ICA1: variants seen among roughly 807,000 people sequenced by gnomAD.
The protein encoded by ICA1 is 69 kDa islet cell autoantigen.
A neutral mutation model predicts 71.0 loss-of-function variants in ICA1; 40 were observed. The observed-to-expected ratio is 0.56, with a 90% confidence interval of 0.44 to 0.73. ICA1 has a LOEUF of 0.73. ICA1 is among the 30% of genes least tolerant of loss of function. The probability of loss-of-function intolerance (pLI) is 0.00; values close to 1 mark genes in which losing one functional copy is unlikely to be tolerated. For missense variants in ICA1, 578 were observed against 576.5 expected, an observed-to-expected ratio of 1.00 and a Z score of -0.03; for synonymous variants, 207 against 209.5, an observed-to-expected ratio of 0.99 and a Z score of 0.10.
rs776380778 is a variant in ICA1 at position 8,128,033 on chromosome 7, G to T, written c.1170C>A (p.Phe390Leu). ...FNASSLEEGE[F>L]SKEWAAVFGD... ...CAAACACAGCGGCCCACTCTTTGCT[G>T]AACTCGCCCTCTTCCAAGGAGGAAG... Residue 390 changes from phenylalanine (F) to leucine (L), a missense_variant, in exon 13 of 14, where the codon TTC (phenylalanine) becomes TTA (leucine). Transcript: ENST00000402384. 17 of 1,614,102 alleles carry T rather than the reference G, an allele frequency of 1.1e-5. No homozygotes were observed. Among genetic ancestry groups the T allele is most frequent in the African/African-American group, 2.7e-5 (2 of 74,934 alleles).
At chr7:8,194,505 A>T (rs1277211050) in intron 6 of ICA1, among the ~76,000 whole-genome samples, 4 of 152,192 alleles carry the variant, frequency 2.6e-5, no homozygotes, top group Non-Finnish European at 5.9e-5. Context: ...AGCTTAATTA[A>T]TTTTACCAAA....
At chr7:8,245,198 G>A (rs1391125410) in intron 1 of ICA1, among the ~76,000 whole-genome samples, 2 of 151,996 alleles carry the variant, frequency 1.3e-5, no homozygotes, top group Non-Finnish European at 2.9e-5. Flanking sequence ...AAGAAAATGC[G>A]GCACATATAC....
rs189148783 is a variant in ICA1, at chr7:8,234,884, G to C, written c.17+1026C>G. On this transcript the variant is annotated intron_variant, in intron 2 of 13. Transcript: ENST00000402384. This position sits in a 1 kb window ranked among gnomAD's most constrained non-coding sequence, Gnocchi z 4.5. Reference sequence around the variant, plus strand: ...AGTGGGCCATAGAATGGATTTCTTTGGCCGGGCGCGGTGGCTCATGCCTGT... The same window carrying C: ...AGTGGGCCATAGAATGGATTTCTTTCGCCGGGCGCGGTGGCTCATGCCTGT... Among the ~76,000 whole-genome samples, 1 of 152,188 alleles carries C rather than the reference G, an allele frequency of 6.6e-6. No individual in the cohort carries two copies. Among genetic ancestry groups the C allele is most frequent in the Non-Finnish European group, 1.5e-5 (1 of 68,038 alleles).
At position 8,125,278 on chromosome 7, in the gene ICA1, G is replaced by A. The variant is rs764042176; in HGVS notation, c.1330+2595C>T. On this transcript the variant is annotated intron_variant, in intron 13 of 13. Transcript: ENST00000402384. ...TTCCAACAGCTATGAGTCCCTGTGTGGCCTGGCCTCCGCCTCTGCATCCTC... is the reference window on the plus strand; with the variant it reads ...TTCCAACAGCTATGAGTCCCTGTGTAGCCTGGCCTCCGCCTCTGCATCCTC... 3.5e-4 allele frequency among the ~76,000 whole-genome samples: 54 copies of A among 152,300 alleles called. No individual in the cohort carries two copies. The Middle Eastern group carries it at 0.014, about 38-fold the overall frequency.
intron 8 of ICA1, among the ~76,000 whole-genome samples, chr7:8,153,511 TTGA>T (rs1158728866): frequency 1.3e-5 from 2 of 152,212 alleles, no homozygotes; most frequent in Non-Finnish European, 2.9e-5. Flanking sequence ...TTTTTCCCCC[TTGA>T]TAATGTCTGC....
chr7:8,158,275 A>G (rs1802450274), intron 7 of ICA1: 2 of 448,702 alleles, frequency 4.5e-6, no homozygotes, highest in East Asian at 3.9e-5. Context: ...TGGAGGAGAA[A>G]GGCACTCCAG....
intron 1 of ICA1, among the ~76,000 whole-genome samples, chr7:8,241,700 A>G (rs549455680): frequency 1.1e-3 from 168 of 152,352 alleles, no homozygotes; most frequent in Non-Finnish European, 2.0e-3. Context: ...CATAGGCTCA[A>G]AATAAAGGGA....
rs766811711 is a variant in ICA1 at position 8,158,631 on chromosome 7, C to T, written c.601G>A (p.Ala201Thr). 1.9e-6 allele frequency: 3 copies of T among 1,613,760 alleles called. No individual in the cohort carries two copies. Among genetic ancestry groups the T allele is most frequent in the Non-Finnish European group, 2.5e-6 (3 of 1,179,880 alleles). Residue 201 changes from alanine (A) to threonine (T), a missense_variant, in exon 7 of 14, where the codon GCA (alanine) becomes ACA (threonine). Transcript: ENST00000402384. The part of the protein sequence containing the change: ...FRKVQTQVRL[A>T]KKNFDKLKMD... The stretch of plus-strand genomic sequence containing the variant: ...TTCAATTTGTCAAAGTTTTTTTTTG[C>T]AAGGCGCACTTGTGTTTGTACCTAT...
chr7:8,167,505 TA>T (rs1276196909), intron 6 of ICA1, among the ~76,000 whole-genome samples: 1 of 151,932 alleles, frequency 6.6e-6, no homozygotes, highest in African/African-American at 2.4e-5. Context: ...AGGGTGAGGA[TA>T]AAAAAACTGC....
At chr7:8,219,260 C>T (rs1355507112) in intron 5 of ICA1, among the ~76,000 whole-genome samples, 1 of 152,186 alleles carries the variant, frequency 6.6e-6, no homozygotes, top group East Asian at 1.9e-4. Context: ...CTTCCATCTC[C>T]CTACCCAAAA....
At chr7:8,242,755 T>C (rs1042903388) in intron 1 of ICA1, among the ~76,000 whole-genome samples, 1 of 151,706 alleles carries the variant, frequency 6.6e-6, no homozygotes, top group African/African-American at 2.4e-5. Flanking sequence ...CCCACAGAAA[T>C]ACAAACTACC....
At chr7:8,134,495 C>T (rs1360927247) in intron 12 of ICA1, among the ~76,000 whole-genome samples, 1 of 152,178 alleles carries the variant, frequency 6.6e-6, no homozygotes, top group Admixed American at 6.5e-5. Flanking sequence ...ACTTAATTTA[C>T]CTTCATCTGC....
chr7:8,197,573 G>T (rs865869808), intron 6 of ICA1, among the ~76,000 whole-genome samples: 1 of 70,436 alleles, frequency 1.4e-5, no homozygotes. Flanking sequence ...GAAGAAAGAA[G>T]AAATAATAAT....
chr7:8,220,682 T>A (rs887497301), intron 5 of ICA1, among the ~76,000 whole-genome samples: 8 of 152,160 alleles, frequency 5.3e-5, no homozygotes, highest in Non-Finnish European at 1.0e-4. Context: ...CTACCACAAT[T>A]TTCCCTGTAC....
Position 8,130,069 on chromosome 7 carries a change from G to A in ICA1, c.1061-1927C>T, listed in dbSNP as rs1056635256. 5.9e-5 allele frequency among the ~76,000 whole-genome samples: 9 copies of A among 152,094 alleles called. No homozygotes were observed. The highest frequency in any genetic ancestry group is 2.6e-4 in the Admixed American group (4 of 15,272). The stretch of plus-strand genomic sequence containing the variant: ...TTATGGCTGCATAGTATTCCATGGT[G>A]TATATGTGCCACATTTTCTTAATCC... On this transcript the variant is annotated intron_variant, in intron 12 of 13. Coordinates refer to ENST00000402384, the MANE Select transcript of ICA1 (RefSeq NM_001136020.3). This position sits in a 1 kb window ranked among gnomAD's most constrained non-coding sequence, Gnocchi z 4.2.
intron 4 of ICA1, among the ~76,000 whole-genome samples, chr7:8,227,109 A>G (rs1199353401): frequency 6.6e-6 from 1 of 152,294 alleles, no homozygotes; most frequent in East Asian, 1.9e-4. Flanking sequence ...AACAATGAAA[A>G]TGATTCATTT....
At chr7:8,157,463 C>T (rs1003836097) in intron 7 of ICA1, 12 of 455,894 alleles carry the variant, frequency 2.6e-5, no homozygotes, top group African/African-American at 2.4e-4. Flanking sequence ...CCTCTCCATT[C>T]TCTTTTTCTC....
intron 8 of ICA1, chr7:8,156,790 G>A: frequency 6.9e-7 from 1 of 1,451,792 alleles, no homozygotes; most frequent in Non-Finnish European, 9.1e-7. Flanking sequence ...TGTCAAACAA[G>A]TATTTTAAAG....
At chr7:8,161,663 C>T (rs963360666) in intron 6 of ICA1, among the ~76,000 whole-genome samples, 1 of 152,078 alleles carries the variant, frequency 6.6e-6, no homozygotes, top group African/African-American at 2.4e-5. Flanking sequence ...ATGCAAGAGA[C>T]GTGAGGAGGA....
Sources: allele counts gnomAD v4.1 joint callset (sites outside exome capture counted in the v4.1 genomes callset), GRCh38; gene constraint gnomAD v4.1.1; non-coding constraint Gnocchi (gnomAD v3.1); transcripts MANE v1.5; gene names NCBI Gene and HGNC (gene_info 2026-07-23, HGNC 2026-07-21).